The following RGS22 variants were observed in gnomAD, a reference collection of about 807,000 sequenced individuals.
The protein encoded by RGS22 is regulator of G-protein signaling 22.
RGS22 carries 148 observed loss-of-function variants against 172.9 expected under a neutral mutation model. The ratio of observed to expected loss-of-function variants is 0.86; its 90% confidence interval spans 0.75 to 0.98. The LOEUF is 0.98. Among genes scored for constraint, RGS22 ranks in the 50% least tolerant of loss-of-function variants. The probability of loss-of-function intolerance (pLI) is 0.00; values close to 1 mark genes in which losing one functional copy is unlikely to be tolerated. For synonymous variants in RGS22, 458 were observed against 480.2 expected, an observed-to-expected ratio of 0.95 and a Z score of 0.60; for missense variants, 1,347 against 1,440.8, an observed-to-expected ratio of 0.93 and a Z score of 1.05.
intron 8 of RGS22, among the ~76,000 whole-genome samples, chr8:100,063,158 G>A (rs1488072299): frequency 6.6e-6 from 1 of 152,082 alleles, no homozygotes; most frequent in East Asian, 1.9e-4. Context: ...TAATTTGAAA[G>A]TAGTTCTAGA....
At chr8:99,993,714 G>C (rs377453527) in intron 20 of RGS22, among the ~76,000 whole-genome samples, 2 of 152,138 alleles carry the variant, frequency 1.3e-5, no homozygotes, top group Non-Finnish European at 2.9e-5. Flanking sequence ...CATTCCTTCC[G>C]AAACTATTCC....
At chr8:100,073,607 T>C (rs1811142229) in intron 4 of RGS22, among the ~76,000 whole-genome samples, 1 of 152,146 alleles carries the variant, frequency 6.6e-6, no homozygotes, top group Non-Finnish European at 1.5e-5. Context: ...TTAGAAAGAC[T>C]CTGCATAGGC....
chr8:100,016,649 C>T (rs996076121), intron 14 of RGS22, among the ~76,000 whole-genome samples: 5 of 152,080 alleles, frequency 3.3e-5, no homozygotes, highest in East Asian at 1.9e-4. Context: ...TGGTGGCAGG[C>T]GCCTGTAGTC....
chr8:100,106,001 G>A lies in RGS22; in HGVS notation c.-80C>T, dbSNP rs1038122305. ...GCGGGTCCAGCGCGGGTCAGGGCCT[G>A]AGCGACGCGGCGACGGCGCGCGGGC... is the stretch of plus-strand genomic sequence containing the variant. On this transcript the variant is annotated 5_prime_UTR_variant, in exon 1 of 28. Coordinates refer to ENST00000360863, the MANE Select transcript of RGS22 (RefSeq NM_015668.5). 3 of 1,213,704 alleles carry A rather than the reference G, an allele frequency of 2.5e-6. No homozygotes were observed. Among genetic ancestry groups the A allele is most frequent in the Admixed American group, 4.4e-5 (1 of 22,570 alleles). 75.2% of individuals were successfully genotyped at this position (1,213,704 alleles called of 1,614,324 possible).
intron 10 of RGS22, among the ~76,000 whole-genome samples, chr8:100,051,957 G>T: frequency 1.7e-4 from 5 of 29,548 alleles, no homozygotes; most frequent in African/African-American, 7.0e-4. Context: ...ATATATAAAT[G>T]TTTATATATA....
chr8:99,967,696 G>T (rs992869831), intron 23 of RGS22, among the ~76,000 whole-genome samples: 1 of 152,156 alleles, frequency 6.6e-6, no homozygotes, highest in East Asian at 1.9e-4. Flanking sequence ...CTCCTCACTG[G>T]GCAGGGCATC....
Position 99,996,472 on chromosome 8 carries a change from C to T in RGS22, c.3008G>A (p.Gly1003Glu). The change falls in exon 20 of 28, where the codon GGG becomes GAG. Residue 1003 changes from glycine to glutamate, a missense_variant. Transcript: ENST00000360863. ...LLLQKAEKKI[G>E]VWKPVESKWI... ...ACAAACATTACTTGCCTTCCAGACC[C>T]CGATTTTCTTTTCAGCCTTCTGTAG... 1 of 1,613,202 alleles carries T rather than the reference C, an allele frequency of 6.2e-7. No individual in the cohort carries two copies. Among genetic ancestry groups the T allele is most frequent in the Non-Finnish European group, 8.5e-7 (1 of 1,179,418 alleles).
chr8:100,010,307 G>A (rs1816236828), intron 14 of RGS22, among the ~76,000 whole-genome samples: 1 of 152,078 alleles, frequency 6.6e-6, no homozygotes, highest in Admixed American at 6.5e-5. Flanking sequence ...CCAACATGGT[G>A]AAACCCCATC....
chr8:100,092,797 A>T (rs1380416352), intron 3 of RGS22, among the ~76,000 whole-genome samples: 1 of 152,216 alleles, frequency 6.6e-6, no homozygotes, highest in Non-Finnish European at 1.5e-5. Flanking sequence ...AATACATGTT[A>T]CTGCTGTCTA....
At chr8:99,989,487 A>G (rs1318534595) in intron 20 of RGS22, among the ~76,000 whole-genome samples, 1 of 152,184 alleles carries the variant, frequency 6.6e-6, no homozygotes, top group Non-Finnish European at 1.5e-5. Context: ...CTGCTCGGCA[A>G]AGTGCCCTTG....
At chr8:100,031,334 T>G (rs1317540840) in intron 14 of RGS22, among the ~76,000 whole-genome samples, 1 of 152,082 alleles carries the variant, frequency 6.6e-6, no homozygotes, top group African/African-American at 2.4e-5. Context: ...AAAATAACAG[T>G]GTGTTACCCT....
At chr8:100,050,025 G>C (rs990291810) in intron 10 of RGS22, among the ~76,000 whole-genome samples, 28 of 149,382 alleles carry the variant, frequency 1.9e-4, no homozygotes, top group Non-Finnish European at 3.1e-4. Context: ...CTCCAGCCTG[G>C]GCAACAAAAA....
At chr8:100,012,485 G>C (rs1443617212) in intron 14 of RGS22, among the ~76,000 whole-genome samples, 22 of 152,074 alleles carry the variant, frequency 1.4e-4, no homozygotes, top group Non-Finnish European at 2.9e-5. Context: ...GGGAGGCCAA[G>C]GTGGGAGAAT....
Position 100,101,871 on chromosome 8 carries a change from C to CA in RGS22, c.54+3502dup, listed in dbSNP as rs550771464. Among the ~76,000 whole-genome samples the CA allele has an allele frequency of 5.2e-3, 711 of 135,532 alleles. 1 individual carries two copies. The highest frequency in any genetic ancestry group is 6.9e-3 in the Non-Finnish European group (426 of 61,672). The allele number at this position is 135,532 out of a possible 152,430, so 88.9% of individuals were successfully genotyped here. Reference sequence around the variant, plus strand: ...TAGTATGAACACAGGAGCACGAAACCAAAAAAAAAAACTACTTAAATAAAA... The same window carrying CA: ...TAGTATGAACACAGGAGCACGAAACCAAAAAAAAAAAACTACTTAAATAAAA... On this transcript the variant is annotated intron_variant, in intron 2 of 27. Coordinates refer to ENST00000360863, the MANE Select transcript of RGS22 (RefSeq NM_015668.5).
At chr8:100,034,878 T>G (rs887666197) in intron 14 of RGS22, among the ~76,000 whole-genome samples, 1 of 152,138 alleles carries the variant, frequency 6.6e-6, no homozygotes, top group Non-Finnish European at 1.5e-5. Context: ...ATTTAATAAA[T>G]GGTGCTGGGA....
intron 23 of RGS22, among the ~76,000 whole-genome samples, chr8:99,972,387 CA>C (rs546637897): frequency 1.3e-5 from 2 of 152,216 alleles, no homozygotes; most frequent in South Asian, 4.2e-4. Flanking sequence ...CAACAAAAGC[CA>C]AAAACGACAA....
chr8:100,041,619 G>C (rs1820131203), intron 12 of RGS22, among the ~76,000 whole-genome samples, 183 bp downstream of exon 12: 1 of 152,084 alleles, frequency 6.6e-6, no homozygotes, highest in South Asian at 2.1e-4. Flanking sequence ...ATAGAACCAT[G>C]GTACTACAAA....
At chr8:100,053,434 A>G (rs1300960535) in intron 9 of RGS22, among the ~76,000 whole-genome samples, 1 of 96,636 alleles carries the variant, frequency 1.0e-5, no homozygotes, top group Non-Finnish European at 2.2e-5. Context: ...AAAAGGGAGG[A>G]AGGAAGGAAG....
intron 23 of RGS22, among the ~76,000 whole-genome samples, chr8:99,972,531 C>T (rs773624421): frequency 3.3e-5 from 5 of 152,266 alleles, no homozygotes; most frequent in Middle Eastern, 3.4e-3. Context: ...CCAGAATCTA[C>T]AAGGAACTTA....
Sources: gnomAD v4.1 joint callset for allele counts (sites outside exome capture counted in the v4.1 genomes callset) on GRCh38, gnomAD v4.1.1 for gene constraint, MANE v1.5 for transcripts, NCBI Gene and HGNC (gene_info 2026-07-23, HGNC 2026-07-21) for gene names.